SVIL: variants seen among roughly 807,000 people sequenced by gnomAD.
SVIL encodes archvillin.
SVIL carries 101 observed loss-of-function variants against 240.4 expected under a neutral mutation model. The observed-to-expected ratio is 0.42, with a 90% CI of 0.36 to 0.50. The LOEUF is 0.50. SVIL is among the 20% of genes least tolerant of loss of function. The probability of loss-of-function intolerance (pLI) is 0.01; values close to 1 mark genes in which losing one functional copy is unlikely to be tolerated. For synonymous variants in SVIL, 999 were observed against 1,100.0 expected, an observed-to-expected ratio of 0.91 and a Z score of 1.82; for missense variants, 2,512 against 2,818.7, an observed-to-expected ratio of 0.89 and a Z score of 2.46.
chr10:29,613,579 C>A (rs1348779357), intron 1 of SVIL, among the ~76,000 whole-genome samples: 4 of 152,090 alleles, frequency 2.6e-5, no homozygotes, highest in East Asian at 1.9e-4. Context: ...CTCAAGTGAT[C>A]CTCCTGCGTA....
chr10:29,699,664 A>G (rs185586554), intron 1 of SVIL, among the ~76,000 whole-genome samples: 2 of 152,142 alleles, frequency 1.3e-5, no homozygotes, highest in African/African-American at 2.4e-5. Flanking sequence ...ACTCACAAAG[A>G]CGTTTTGCTT....
At chr10:29,544,492 C>T (rs540195510) in intron 6 of SVIL, among the ~76,000 whole-genome samples, 8 of 152,254 alleles carry the variant, frequency 5.3e-5, no homozygotes, top group African/African-American at 1.9e-4. Flanking sequence ...CGGTGGCTCA[C>T]ACGTGTAGTC....
intron 1 of SVIL, chr10:29,576,043 G>A: frequency 9.6e-6 from 9 of 932,868 alleles, no homozygotes; most frequent in Non-Finnish European, 1.2e-5. Context: ...ACAATAATAT[G>A]TGTTTTCCCA....
chr10:29,511,780 A>G (rs1417133939), intron 17 of SVIL, among the ~76,000 whole-genome samples: 1 of 152,240 alleles, frequency 6.6e-6, no homozygotes, highest in Non-Finnish European at 1.5e-5. Context: ...AAGAAGACAC[A>G]GAAGTATCAG....
chr10:29,627,661 G>C (rs1957926488), intron 1 of SVIL, among the ~76,000 whole-genome samples: 1 of 152,140 alleles, frequency 6.6e-6, no homozygotes, highest in Admixed American at 6.5e-5. Flanking sequence ...AAGAATAGTT[G>C]GCTGCCTGAA....
At position 29,653,968 on chromosome 10, in the gene SVIL, G is replaced by A. The variant is rs150390723; in HGVS notation, c.-201+4001C>T. Among the ~76,000 whole-genome samples, 508 of 152,162 alleles carry A rather than the reference G, an allele frequency of 3.3e-3. 6 individuals are homozygous for A. Among genetic ancestry groups the A allele is most frequent in the African/African-American group, 0.01 (432 of 41,500 alleles). On this transcript the variant is annotated intron_variant, in intron 3 of 35. Coordinates refer to the SVIL transcript ENST00000375400. The stretch of plus-strand genomic sequence containing the variant: ...CTTAATTACTGTAGTTTTGTAATAC[G>A]TTTTGAAGCTGAGTCTCCTATTTTG...
chr10:29,574,004 T>C (rs1366686394), intron 1 of SVIL, among the ~76,000 whole-genome samples: 1 of 152,180 alleles, frequency 6.6e-6, no homozygotes, highest in East Asian at 1.9e-4. Flanking sequence ...CCTGTGACTT[T>C]CTTAAATTTC....
At chr10:29,481,949 G>A (rs1264212463) in intron 27 of SVIL, among the ~76,000 whole-genome samples, 1 of 151,230 alleles carries the variant, frequency 6.6e-6, no homozygotes, top group East Asian at 1.9e-4. Context: ...TGGAGTTTTT[G>A]ATGTGCCTGA....
At chr10:29,515,901 C>G (rs1950168297) in intron 16 of SVIL, among the ~76,000 whole-genome samples, 2 of 152,146 alleles carry the variant, frequency 1.3e-5, no homozygotes, top group Admixed American at 1.3e-4. Flanking sequence ...CCTCGTCCAT[C>G]TTATACTCTG....
At chr10:29,691,906 A>G (rs183223340) in intron 1 of SVIL, among the ~76,000 whole-genome samples, 51 of 152,310 alleles carry the variant, frequency 3.3e-4, no homozygotes, top group Admixed American at 1.3e-3. Flanking sequence ...GCAGCACGCT[A>G]AGGAAAACAG....
intron 1 of SVIL, among the ~76,000 whole-genome samples, chr10:29,628,732 A>C (rs1957970440): frequency 6.6e-6 from 1 of 152,248 alleles, no homozygotes; most frequent in South Asian, 2.1e-4. Context: ...TAAAAGCCAA[A>C]TGAATGCATT....
At chr10:29,530,761 G>T in intron 10 of SVIL, 93 bp from the exon 11 acceptor site, 1 of 1,355,866 alleles carries the variant, frequency 7.4e-7, no homozygotes. Context: ...GGAAATCTTT[G>T]AATACAACAA....
intron 2 of SVIL, among the ~76,000 whole-genome samples, chr10:29,667,292 A>G (rs35654230): frequency 0.24 from 37,096 of 152,066 alleles, 5,483 homozygotes; most frequent in African/African-American, 0.41. Context: ...AATAGAACAC[A>G]ACTCAGCAAC....
intron 1 of SVIL, among the ~76,000 whole-genome samples, chr10:29,713,558 T>C (rs928750254): frequency 4.6e-5 from 7 of 152,116 alleles, no homozygotes; most frequent in Admixed American, 2.0e-4. Flanking sequence ...AATAACCAGA[T>C]GGTAAATATA....
chr10:29,522,398 G>GAATCT lies in SVIL; in HGVS notation c.3389+7_3389+11dup, dbSNP rs1950617482. The GAATCT allele has an allele frequency of 6.2e-7, 1 of 1,613,390 alleles. No individual in the cohort carries two copies. The highest frequency in any genetic ancestry group is 1.6e-4 in the Middle Eastern group (1 of 6,062). Reference sequence around the variant, plus strand: ...CCGAGAGAATTACTTTTCGCTCACCGAATCTCATTACCTTTCTTTAATAGA... The same window carrying GAATCT: ...CCGAGAGAATTACTTTTCGCTCACCGAATCTAATCTCATTACCTTTCTTTAATAGA... On this transcript the variant is annotated intron_variant, in intron 16 of 37. Transcript: ENST00000355867.
chr10:29,552,793 A>C (rs1022514453), intron 5 of SVIL, among the ~76,000 whole-genome samples: 2 of 152,084 alleles, frequency 1.3e-5, no homozygotes, highest in South Asian at 4.1e-4. Flanking sequence ...TTGAGAAGAG[A>C]GATATGCCTC....
At chr10:29,587,517 G>C (rs1402577785) in intron 1 of SVIL, among the ~76,000 whole-genome samples, 1 of 152,152 alleles carries the variant, frequency 6.6e-6, no homozygotes, top group Non-Finnish European at 1.5e-5. Flanking sequence ...GGCCGCACTG[G>C]GACTCCATTT....
intron 25 of SVIL, 67 bp downstream of exon 25, chr10:29,486,343 G>A (rs1947400698): frequency 6.3e-7 from 1 of 1,597,714 alleles, no homozygotes; most frequent in South Asian, 1.1e-5. Context: ...TAAAATAGAA[G>A]AATGAGCTAA....
chr10:29,563,021 A>G (rs950953084), intron 3 of SVIL, among the ~76,000 whole-genome samples, 180 bp downstream of exon 3: 4 of 152,216 alleles, frequency 2.6e-5, no homozygotes. Flanking sequence ...GGTGAGGATT[A>G]AAAATGCATG....
Sources: gnomAD v4.1 joint callset for allele counts (sites outside exome capture counted in the v4.1 genomes callset) on GRCh38, gnomAD v4.1.1 for gene constraint, MANE v1.5 for transcripts, NCBI Gene and HGNC (gene_info 2026-07-23, HGNC 2026-07-21) for gene names.